The following MRPL47 variants were observed in gnomAD, a reference collection of about 807,000 sequenced individuals.
MRPL47 encodes the protein large ribosomal subunit protein uL29m.
In MRPL47, 31 loss-of-function variants were observed where a neutral mutation model predicts 34.0. The ratio of observed to expected loss-of-function variants is 0.91; its 90% CI spans 0.68 to 1.23. The LOEUF (loss-of-function observed/expected upper bound fraction) is 1.23. Among genes scored for constraint, MRPL47 ranks in the 50% most tolerant of loss-of-function variants. The pLI is 0.00. For synonymous variants in MRPL47, 106 were observed against 101.6 expected (o/e 1.04, Z -0.26); for missense variants, 328 against 285.8 (o/e 1.15, Z -1.07).
At chr3:179,602,603 GGGGGGGT>G in intron 2 of MRPL47, 42 bp downstream of exon 2, 1 of 849,248 alleles carries the variant, frequency 1.2e-6, no homozygotes. Context: ...CGGGGCGGGG[GGGGGGGT>G]TCCATAAATA....
chr3:179,602,121 C>T (rs1037456301), intron 2 of MRPL47, among the ~76,000 whole-genome samples: 1 of 152,186 alleles, frequency 6.6e-6, no homozygotes, highest in Non-Finnish European at 1.5e-5. Flanking sequence ...AGACGGCGGG[C>T]ATCACCTGAG....
intron 6 of MRPL47, 102 bp downstream of exon 6, chr3:179,592,542 T>A (rs1718699638): frequency 2.0e-5 from 14 of 704,594 alleles, no homozygotes; most frequent in Non-Finnish European, 2.3e-6. Flanking sequence ...AAATTAAAAT[T>A]TAAAGACAGC....
chr3:179,594,486 C>T lies in MRPL47; in HGVS notation c.403-591G>A, dbSNP rs141430595. Among the ~76,000 whole-genome samples, 680 of 152,140 alleles carry T rather than the reference C, an allele frequency of 4.5e-3. 6 individuals carry two copies. Among genetic ancestry groups the T allele is most frequent in the African/African-American group, 0.016 (653 of 41,498 alleles). On this transcript the variant is annotated intron_variant, in intron 4 of 6. Coordinates refer to ENST00000476781, the MANE Select transcript of MRPL47 (RefSeq NM_020409.3). The stretch of plus-strand genomic sequence containing the variant: ...ATGTATATATTGGCAGGGTTTTATA[C>T]ATATATATATTTTTTAGACAGAGTC...
chr3:179,592,221 G>T (rs1216615039), intron 6 of MRPL47, among the ~76,000 whole-genome samples: 1 of 152,006 alleles, frequency 6.6e-6, no homozygotes, highest in East Asian at 1.9e-4. Context: ...TTGAGACGGA[G>T]TCTCACTCTG....
chr3:179,601,260 T>C (rs140820293), intron 3 of MRPL47, among the ~76,000 whole-genome samples: 26 of 152,064 alleles, frequency 1.7e-4, no homozygotes, highest in African/African-American at 6.0e-4. Context: ...GCAAAAAAAT[T>C]AGCTGGGTGT....
intron 6 of MRPL47, among the ~76,000 whole-genome samples, chr3:179,591,314 G>A (rs1248181406): frequency 6.6e-6 from 1 of 152,184 alleles, no homozygotes; most frequent in Non-Finnish European, 1.5e-5. Flanking sequence ...AGCAATGGGA[G>A]TTGGATAGCA....
chr3:179,598,808 G>A lies in MRPL47; in HGVS notation c.306-37C>T, dbSNP rs749878138. 2.9e-6 allele frequency: 4 copies of A among 1,374,478 alleles called. No individual in the cohort carries two copies. The Admixed American group carries it at 6.8e-5, about 23-fold the overall frequency. The allele number at this position is 1,374,478 out of a possible 1,614,324, so 85.1% of individuals were successfully genotyped here. On this transcript the variant is annotated intron_variant, in intron 3 of 6. Transcript: ENST00000476781. ...AACACAAACCTTGTGATGCTATTCTGTGGTTATGTTAATAAAGTTGTGATT... is the reference window on the plus strand; with the variant it reads ...AACACAAACCTTGTGATGCTATTCTATGGTTATGTTAATAAAGTTGTGATT...
intron 1 of MRPL47, among the ~76,000 whole-genome samples, chr3:179,603,016 C>G (rs1007038177): frequency 4.6e-5 from 7 of 151,866 alleles, no homozygotes. Flanking sequence ...AAGTGATCCT[C>G]CCACCTTGGC....
chr3:179,596,640 T>C (rs1327445738), intron 4 of MRPL47, among the ~76,000 whole-genome samples: 1 of 152,216 alleles, frequency 6.6e-6, no homozygotes, highest in East Asian at 1.9e-4. Flanking sequence ...CATCCTTACT[T>C]GTCAATGCAC....
chr3:179,590,855 G>A (rs1718658818), intron 6 of MRPL47, among the ~76,000 whole-genome samples: 1 of 147,604 alleles, frequency 6.8e-6, no homozygotes, highest in African/African-American at 2.5e-5. Flanking sequence ...ACATTCTGCA[G>A]CAAGAATTAA....
At chr3:179,595,218 G>A (rs1376704629) in intron 4 of MRPL47, among the ~76,000 whole-genome samples, 1 of 151,916 alleles carries the variant, frequency 6.6e-6, no homozygotes, top group Non-Finnish European at 1.5e-5. Context: ...ACTAATTTTT[G>A]TATTTTTTTG....
intron 1 of MRPL47, among the ~76,000 whole-genome samples, chr3:179,603,944 A>C (rs996786883): frequency 1.3e-5 from 2 of 152,002 alleles, no homozygotes; most frequent in Non-Finnish European, 2.9e-5. Context: ...AAGATTCTTA[A>C]AAAGCTAATC....
intron 1 of MRPL47, among the ~76,000 whole-genome samples, chr3:179,603,693 T>G (rs1718984138): frequency 6.6e-6 from 1 of 152,232 alleles, no homozygotes; most frequent in Non-Finnish European, 1.5e-5. Flanking sequence ...ATTAAAGCAC[T>G]ATATAGGATG....
In MRPL47 at chr3:179,593,898, G is replaced by C. The variant is rs1718731613; in HGVS notation, c.403-3C>G. 1 of 1,607,496 alleles carries C rather than the reference G, an allele frequency of 6.2e-7. No individual in the cohort carries two copies. Among genetic ancestry groups the C allele is most frequent in the African/African-American group, 1.3e-5 (1 of 74,510 alleles). Reference sequence around the variant, plus strand: ...AATGCATCCATGGAATCTACTACCTGAAAAGAGAATAGAAAGATACAATTT... The same window carrying C: ...AATGCATCCATGGAATCTACTACCTCAAAAGAGAATAGAAAGATACAATTT... On this transcript the variant is annotated splice_region_variant and splice_polypyrimidine_tract_variant and intron_variant, in intron 4 of 6. Transcript: ENST00000476781.
intron 6 of MRPL47, 150 bp from the exon 7 acceptor site, chr3:179,589,145 G>A: frequency 1.4e-6 from 1 of 728,064 alleles, no homozygotes. Context: ...AACTTGAATA[G>A]TAATCACTGT....
At chr3:179,596,745 A>G in intron 4 of MRPL47, among the ~76,000 whole-genome samples, 1 of 152,190 alleles carries the variant, frequency 6.6e-6, no homozygotes, top group Non-Finnish European at 1.5e-5. Flanking sequence ...TCAACCTCCC[A>G]GGCCCTATAC....
intron 1 of MRPL47, among the ~76,000 whole-genome samples, chr3:179,603,820 A>G (rs1340687798): frequency 1.3e-5 from 2 of 152,200 alleles, no homozygotes; most frequent in Admixed American, 1.3e-4. Flanking sequence ...ATAGTTAACG[A>G]CCTGAGATGA....
Position 179,604,580 on chromosome 3 carries a change from G to A in MRPL47, c.45C>T (p.Ser15=). 3 of 1,614,172 alleles carry A rather than the reference G, an allele frequency of 1.9e-6. No homozygotes were observed. Among genetic ancestry groups the A allele is most frequent in the Non-Finnish European group, 1.7e-6 (2 of 1,179,998 alleles). The change falls in exon 1 of 7, where the codon TCC becomes TCT. Residue 15 remains serine (S), a synonymous_variant. Transcript: ENST00000476781. ...TTAACGATCGGGAAGATTTCAGGGC[G>A]GATGAAACTCTCCTACAAAGAAGGG... ...GLALLCRRVS[S]ALKSSRSLIT... is the part of the protein sequence containing the mutation.
chr3:179,596,607 C>A (rs1718794634), intron 4 of MRPL47, among the ~76,000 whole-genome samples: 1 of 152,164 alleles, frequency 6.6e-6, no homozygotes. Context: ...GCTTTTTCAT[C>A]AAATAACGTG....
Sources: gnomAD v4.1 joint callset for allele counts (sites outside exome capture counted in the v4.1 genomes callset) on GRCh38, gnomAD v4.1.1 for gene constraint, MANE v1.5 for transcripts, NCBI Gene and HGNC (gene_info 2026-07-23, HGNC 2026-07-21) for gene names.